Variants in SLC12A2 observed in about 807,000 individuals in gnomAD.
The protein encoded by SLC12A2 is Na-K-2Cl cotransporter 1.
In SLC12A2, 67 loss-of-function variants were observed where a neutral mutation model predicts 136.3. The observed-to-expected ratio is 0.49, with a 90% CI of 0.40 to 0.60. The LOEUF is 0.60. Ranked by LOEUF, SLC12A2 falls within the 20% of genes least tolerant of loss-of-function variation. SLC12A2 has a pLI of 0.00. For synonymous variants in SLC12A2, 619 were observed against 562.9 expected (o/e 1.10, Z -1.41); for missense variants, 1,322 against 1,534.7 (o/e 0.86, Z 2.32).
intron 23 of SLC12A2, among the ~76,000 whole-genome samples, chr5:128,181,344 G>A (rs922113913): frequency 6.6e-6 from 1 of 152,046 alleles, no homozygotes; most frequent in Non-Finnish European, 1.5e-5. Context: ...TAGACTTCTA[G>A]ACAACAAAAT....
At position 128,084,687 on chromosome 5, in the gene SLC12A2, G is replaced by A. The variant is rs577379766; in HGVS notation, c.733G>A (p.Glu245Lys). 1.9e-6 allele frequency: 3 copies of A among 1,604,894 alleles called. No individual in the cohort carries two copies. The highest frequency in any genetic ancestry group is 1.7e-5 in the Admixed American group (1 of 59,206). Residue 245 changes from glutamate to lysine, a missense_variant, in exon 1 of 27, where the codon GAG becomes AAG. This residue lies in a region of SLC12A2 where 32 missense variants were observed against 63.6 expected (regional missense o/e 0.50). Coordinates refer to ENST00000262461, the MANE Select transcript of SLC12A2 (RefSeq NM_001046.3). The surrounding 1 kb of genome is among the most constrained non-coding windows in gnomAD (Gnocchi z 5.6). ...GEKLLRPSLA[E>K]LHDELEKEPF... ...GAAGCTGCTCCGGCCTAGCCTGGCG[G>A]AGCTCCACGACGAGCTGGAAAAGGT...
intron 6 of SLC12A2, 132 bp downstream of exon 6, chr5:128,134,407 T>A: frequency 1.7e-6 from 1 of 589,376 alleles, no homozygotes; most frequent in Non-Finnish European, 3.1e-6. Context: ...CACAAATGTT[T>A]ATGTATAAGG....
In SLC12A2 at chr5:128,186,404, A is replaced by G. The variant is rs1763869059; in HGVS notation, c.3504-92A>G. On this transcript the variant is annotated intron_variant, in intron 26 of 26. Coordinates refer to ENST00000262461, the MANE Select transcript of SLC12A2 (RefSeq NM_001046.3). ...ATTATAGTAATTTACAGTAACTGTTATTGTAATCTACTTTATAATTTTTGC... is the reference window on the plus strand; with the variant it reads ...ATTATAGTAATTTACAGTAACTGTTGTTGTAATCTACTTTATAATTTTTGC... 3 of 1,230,222 alleles carry G rather than the reference A, an allele frequency of 2.4e-6. No homozygotes were observed. The African/African-American group carries it at 4.6e-5, about 19-fold the overall frequency. The allele number at this position is 1,230,222 out of a possible 1,614,324, so 76.2% of individuals were successfully genotyped here.
At chr5:128,181,685 T>C (rs1168285242) in intron 23 of SLC12A2, among the ~76,000 whole-genome samples, 1 of 152,152 alleles carries the variant, frequency 6.6e-6, no homozygotes, top group Non-Finnish European at 1.5e-5. Flanking sequence ...CTAATTGTTA[T>C]AATGTAGCAG....
At chr5:128,104,656 T>G (rs898759954) in intron 1 of SLC12A2, among the ~76,000 whole-genome samples, 5 of 128,430 alleles carry the variant, frequency 3.9e-5, no homozygotes, top group South Asian at 2.3e-4. Flanking sequence ...AAAATATATA[T>G]ATATAGATAT....
intron 10 of SLC12A2, among the ~76,000 whole-genome samples, chr5:128,147,306 G>A (rs1762558605): frequency 6.6e-6 from 1 of 151,610 alleles, no homozygotes. Context: ...TCTGGGACTT[G>A]TTTCAAAATA....
At chr5:128,179,518 G>A (rs1763633265) in intron 22 of SLC12A2, among the ~76,000 whole-genome samples, 1 of 152,172 alleles carries the variant, frequency 6.6e-6, no homozygotes, top group African/African-American at 2.4e-5. Flanking sequence ...TGATGATTCT[G>A]CAGACCACAC....
Position 128,084,459 on chromosome 5 carries a change from G to A in SLC12A2, c.505G>A (p.Val169Met), listed in dbSNP as rs765308269. 7.9e-5 allele frequency: 127 copies of A among 1,612,916 alleles called. No homozygotes were observed. The highest frequency in any genetic ancestry group is 1.0e-4 in the Non-Finnish European group (122 of 1,179,726). The change falls in exon 1 of 27, where the codon GTG becomes ATG. Residue 169 changes from valine to methionine, a missense_variant. Physicochemically the swap from Val to Met is conservative, Grantham distance 21. Around this residue, in one of 8 missense-constraint regions of SLC12A2, gnomAD observed 358 missense variants for 299.7 expected, o/e 1.19. Transcript: ENST00000262461. The surrounding 1 kb of genome is among the most constrained non-coding windows in gnomAD (Gnocchi z 5.6). The stretch of plus-strand genomic sequence containing the variant: ...CGGGGTCGGAGTCGACGGGCCCAAC[G>A]TGAGCTTCCAGAACGGCGGGGACAC... Reference protein sequence around the residue: ...AAGVGVDGPNVSFQNGGDTVL... With the variant: ...AAGVGVDGPNMSFQNGGDTVL...
At chr5:128,111,253 C>G (rs1761133751) in intron 1 of SLC12A2, among the ~76,000 whole-genome samples, 1 of 151,874 alleles carries the variant, frequency 6.6e-6, no homozygotes, top group Non-Finnish European at 1.5e-5. Context: ...CTTCAAAAAT[C>G]AAAGAATTAA....
chr5:128,121,906 G>C (rs1761597284), intron 4 of SLC12A2, among the ~76,000 whole-genome samples: 1 of 152,120 alleles, frequency 6.6e-6, no homozygotes, highest in Non-Finnish European at 1.5e-5. Flanking sequence ...GGATGGTGCT[G>C]GCCAGCAGCC....
chr5:128,100,021 A>T (rs928196639), intron 1 of SLC12A2, among the ~76,000 whole-genome samples: 6 of 152,190 alleles, frequency 3.9e-5, no homozygotes, highest in African/African-American at 1.4e-4. Flanking sequence ...CAAGTGTTAT[A>T]TACTGTGAAT....
intron 4 of SLC12A2, among the ~76,000 whole-genome samples, chr5:128,115,331 G>T (rs1761306621): frequency 6.6e-6 from 1 of 152,228 alleles, no homozygotes; most frequent in East Asian, 1.9e-4. Flanking sequence ...TGCCATGTTG[G>T]CCAGGCTGGG....
At position 128,188,373 on chromosome 5, in the gene SLC12A2, C is replaced by G. The variant is rs375693204; in HGVS notation, c.*1742C>G. 1.4e-5 allele frequency: 2 copies of G among 145,162 alleles called. No homozygotes were observed. The highest frequency in any genetic ancestry group is 4.3e-4 in the South Asian group (2 of 4,652). The allele number at this position is 145,162 out of a possible 1,614,324, so 9.0% of individuals were successfully genotyped here. ...GCAGTAACGTGATCTTGGCTCACTG[C>G]GACCTCCACCTCCCCAGTTCAAGCG... On this transcript the variant is annotated 3_prime_UTR_variant, in exon 27 of 27. Transcript: ENST00000262461.
chr5:128,086,962 A>G (rs1760124545), intron 1 of SLC12A2, among the ~76,000 whole-genome samples: 1 of 152,218 alleles, frequency 6.6e-6, no homozygotes, highest in African/African-American at 2.4e-5. Context: ...ATTGATTGGC[A>G]TATACTCTAC....
intron 22 of SLC12A2, among the ~76,000 whole-genome samples, chr5:128,179,382 G>T (rs1763629469): frequency 6.6e-6 from 1 of 152,134 alleles, no homozygotes; most frequent in African/African-American, 2.4e-5. Context: ...CTTTATTTCT[G>T]TCAGTGTGGA....
chr5:128,099,604 TAAAAC>T (rs1337481886), intron 1 of SLC12A2, among the ~76,000 whole-genome samples: 3 of 152,204 alleles, frequency 2.0e-5, no homozygotes, highest in Non-Finnish European at 4.4e-5. Context: ...ACATTTGACT[TAAAAC>T]ACAGACATAT....
intron 17 of SLC12A2, among the ~76,000 whole-genome samples, chr5:128,163,919 A>T (rs1341411539): frequency 1.3e-5 from 2 of 152,142 alleles, no homozygotes; most frequent in Non-Finnish European, 2.9e-5. Context: ...TTATTTTTGT[A>T]TGTGAAATAT....
intron 1 of SLC12A2, among the ~76,000 whole-genome samples, chr5:128,098,183 C>T (rs1412324462): frequency 3.3e-5 from 5 of 151,952 alleles, no homozygotes; most frequent in African/African-American, 9.7e-5. Context: ...TGAATCTGTA[C>T]GTTGATGTTT....
intron 4 of SLC12A2, among the ~76,000 whole-genome samples, chr5:128,129,754 ATG>A (rs1761946598): frequency 6.6e-6 from 1 of 152,176 alleles, no homozygotes; most frequent in African/African-American, 2.4e-5. Flanking sequence ...TAATAGAAAT[ATG>A]TATATAGCTT....
Sources: allele counts gnomAD v4.1 joint callset (sites outside exome capture counted in the v4.1 genomes callset), GRCh38; gene constraint gnomAD v4.1.1; regional missense constraint gnomAD v4.1.1; non-coding constraint Gnocchi (gnomAD v3.1); transcripts MANE v1.5; gene names NCBI Gene and HGNC (gene_info 2026-07-23, HGNC 2026-07-21).